The following STON2 variants were observed in gnomAD, a reference collection of about 807,000 sequenced individuals.
STON2 encodes the protein stonin-2.
In STON2, 29 loss-of-function variants were observed where a neutral mutation model predicts 65.7. The observed-to-expected ratio is 0.44, with a 90% CI of 0.33 to 0.60. The LOEUF (loss-of-function observed/expected upper bound fraction) is 0.60. Among genes scored for constraint, STON2 ranks in the 20% least tolerant of loss-of-function variants. The pLI is 0.03. For missense variants in STON2, 1,054 were observed against 1,118.1 expected (o/e 0.94, Z 0.82); for synonymous variants, 404 against 414.2 (o/e 0.98, Z 0.30).
rs570154066 is a variant in STON2, at chr14:81,385,025, T to C, written c.373+10869A>G. Among the ~76,000 whole-genome samples the C allele has an allele frequency of 5.3e-5, 8 of 152,338 alleles. No homozygotes were observed. In the South Asian group the frequency reaches 1.7e-3, roughly 32 times the overall value. On this transcript the variant is annotated intron_variant, in intron 3 of 7. Transcript: ENST00000614646. ...CCCAAAAGCTCCATTAGTAACAGAT[T>C]GCCCAACTGTTAGGCAACTTCAACG...
intron 3 of STON2, among the ~76,000 whole-genome samples, chr14:81,382,174 G>A (rs918009500): frequency 6.6e-5 from 10 of 151,830 alleles, no homozygotes; most frequent in Admixed American, 3.9e-4. Context: ...AGCTGAGATC[G>A]TGCCACTGCA....
chr14:81,362,950 C>T (rs1324121182), intron 4 of STON2, among the ~76,000 whole-genome samples: 2 of 152,142 alleles, frequency 1.3e-5, no homozygotes, highest in South Asian at 2.1e-4. Context: ...GAAATAAGCA[C>T]ATGATGGGGG....
At chr14:81,303,554 G>A (rs1896053912) in intron 5 of STON2, among the ~76,000 whole-genome samples, 1 of 152,114 alleles carries the variant, frequency 6.6e-6, no homozygotes, top group South Asian at 2.1e-4. Flanking sequence ...ATGACATGAG[G>A]TCATTCTTCC....
chr14:81,267,062 A>G lies in STON2; in HGVS notation c.*1352T>C. ...TGAATCCATCAGCCAAAAACTGGAGATATTTTTCATTTCTGCATCATCTAC... is the reference window on the plus strand; with the variant it reads ...TGAATCCATCAGCCAAAAACTGGAGGTATTTTTCATTTCTGCATCATCTAC... On this transcript the variant is annotated 3_prime_UTR_variant, in exon 8 of 8. Transcript: ENST00000614646. The G allele has an allele frequency of 1.0e-6, 1 of 985,272 alleles. No homozygotes were observed. The highest frequency in any genetic ancestry group is 1.2e-6 in the Non-Finnish European group (1 of 829,790). The allele number at this position is 985,272 out of a possible 1,614,324, so 61.0% of individuals were successfully genotyped here. A position where few individuals can be genotyped will look rare whatever the true frequency, so the allele number is the denominator to read the frequency against.
chr14:81,418,947 C>T (rs57469078), intron 2 of STON2, among the ~76,000 whole-genome samples: 2,820 of 151,992 alleles, frequency 0.019, 88 homozygotes, highest in African/African-American at 0.065. Context: ...CCCTTTTTAG[C>T]AAGATTAAAA....
Position 81,292,753 on chromosome 14 carries a change from C to T in STON2, c.743-14014G>A, listed in dbSNP as rs894588105. Among the ~76,000 whole-genome samples the T allele has an allele frequency of 2.0e-5, 3 of 152,156 alleles. No individual in the cohort carries two copies. In the South Asian group the frequency reaches 6.2e-4, roughly 32 times the overall value. ...TGACAGTGGACTAATAGCACCACTACCTTTATAATAAGTGTCTTCTGAGTT... is the reference window on the plus strand; with the variant it reads ...TGACAGTGGACTAATAGCACCACTATCTTTATAATAAGTGTCTTCTGAGTT... On this transcript the variant is annotated intron_variant, in intron 5 of 7. Transcript: ENST00000614646.
chr14:81,294,727 T>C (rs1176737181), intron 5 of STON2, among the ~76,000 whole-genome samples: 1 of 152,126 alleles, frequency 6.6e-6, no homozygotes, highest in Non-Finnish European at 1.5e-5. Context: ...GGATGAAAGG[T>C]TTTATTTCTA....
chr14:81,416,526 G>A (rs796361940), intron 2 of STON2, among the ~76,000 whole-genome samples: 6 of 152,304 alleles, frequency 3.9e-5, no homozygotes, highest in African/African-American at 1.4e-4. Context: ...CAACTTCAGG[G>A]CCCATTCCCA....
chr14:81,297,375 G>T (rs995278073), intron 5 of STON2, among the ~76,000 whole-genome samples: 5 of 152,164 alleles, frequency 3.3e-5, no homozygotes, highest in African/African-American at 1.2e-4. Context: ...GAAGAGCTAG[G>T]ATCTGAACCC....
chr14:81,296,520 T>A (rs1429628885), intron 5 of STON2, among the ~76,000 whole-genome samples: 2 of 152,188 alleles, frequency 1.3e-5, no homozygotes, highest in African/African-American at 4.8e-5. Flanking sequence ...TTCCTAGGGA[T>A]AGGCTCGAAC....
intron 3 of STON2, among the ~76,000 whole-genome samples, chr14:81,386,763 T>C (rs61986597): frequency 0.27 from 41,511 of 152,174 alleles, 6,171 homozygotes; most frequent in South Asian, 0.35. Flanking sequence ...GGAAGCTTCA[T>C]GCTGACAATA....
chr14:81,285,131 C>T (rs574027439), intron 5 of STON2, among the ~76,000 whole-genome samples: 1 of 152,200 alleles, frequency 6.6e-6, no homozygotes, highest in Admixed American at 6.5e-5. Flanking sequence ...CATTCTCTAT[C>T]CCATGGATCA....
intron 4 of STON2, among the ~76,000 whole-genome samples, chr14:81,361,264 A>T (rs1407672046): frequency 2.0e-5 from 3 of 152,142 alleles, no homozygotes; most frequent in Admixed American, 6.5e-5. Context: ...TACTACAAGG[A>T]TATAGAAACT....
At chr14:81,375,981 G>T (rs2140380002) in intron 3 of STON2, among the ~76,000 whole-genome samples, 2 of 151,038 alleles carry the variant, frequency 1.3e-5, no homozygotes, top group Middle Eastern at 7.0e-3. Context: ...ACTGGCCAAA[G>T]AAGAAATATC....
chr14:81,405,644 C>T (rs1439696518), intron 2 of STON2, among the ~76,000 whole-genome samples: 1 of 151,442 alleles, frequency 6.6e-6, no homozygotes, highest in Non-Finnish European at 1.5e-5. Context: ...AAGTGCTGCT[C>T]GCCTAGAGCT....
At position 81,381,291 on chromosome 14, in the gene STON2, T is replaced by C. The variant is rs577684518; in HGVS notation, c.374-10106A>G. ...ATGACTTTGGAGTAGAGAAATATTT[T>C]CTTTACCAAGACACAGAAAGCACTA... On this transcript the variant is annotated intron_variant, in intron 3 of 7. Transcript: ENST00000614646. Among the ~76,000 whole-genome samples, 65 of 151,552 alleles carry C rather than the reference T, an allele frequency of 4.3e-4. 2 individuals are homozygous for C. The Middle Eastern group carries it at 0.01, about 24-fold the overall frequency.
chr14:81,318,184 G>A (rs528559659), intron 5 of STON2, among the ~76,000 whole-genome samples: 15 of 152,106 alleles, frequency 9.9e-5, no homozygotes, highest in African/African-American at 2.9e-4. Flanking sequence ...GGCTAATCTC[G>A]AACTCCTGAC....
chr14:81,367,325 C>T (rs1157585721), intron 4 of STON2, among the ~76,000 whole-genome samples: 2 of 152,032 alleles, frequency 1.3e-5, no homozygotes, highest in Admixed American at 6.5e-5. Context: ...ATTACAGGCG[C>T]GCCACTATGC....
chr14:81,405,522 GTTT>G (rs60663114), intron 2 of STON2, among the ~76,000 whole-genome samples: 2,759 of 107,306 alleles, frequency 0.026, 128 homozygotes, highest in African/African-American at 0.1. Flanking sequence ...CTTTCCTAAG[GTTT>G]TTTTTTTTTT....
Sources: gnomAD v4.1 joint callset for allele counts (sites outside exome capture counted in the v4.1 genomes callset) on GRCh38, gnomAD v4.1.1 for gene constraint, MANE v1.5 for transcripts, NCBI Gene and HGNC (gene_info 2026-07-23, HGNC 2026-07-21) for gene names.